CTNNA3: variants seen among roughly 807,000 people sequenced by gnomAD.
CTNNA3 encodes catenin alpha 3.
CTNNA3 carries 76 observed loss-of-function variants against 95.7 expected under a neutral mutation model. That is an observed-to-expected ratio of 0.79 (90% CI 0.66 to 0.96). CTNNA3 has a LOEUF of 0.96. Among genes scored for constraint, CTNNA3 ranks in the 40% least tolerant of loss-of-function variants. CTNNA3 has a pLI of 0.00. For missense variants in CTNNA3, 1,191 were observed against 1,089.8 expected, an observed-to-expected ratio of 1.09 and a Z score of -1.31; for synonymous variants, 431 against 374.4, an observed-to-expected ratio of 1.15 and a Z score of -1.74.
intron 16 of CTNNA3, among the ~76,000 whole-genome samples, chr10:65,967,599 A>T (rs550814756): frequency 6.6e-6 from 1 of 152,346 alleles, no homozygotes; most frequent in South Asian, 2.1e-4. Flanking sequence ...CTGTGAATAC[A>T]ACTGAAGCCA....
At chr10:66,460,544 C>A (rs2093522475) in intron 11 of CTNNA3, among the ~76,000 whole-genome samples, 2 of 152,196 alleles carry the variant, frequency 1.3e-5, no homozygotes, top group South Asian at 4.1e-4. Flanking sequence ...TGCCCTCCTA[C>A]CCCTCCTAAC....
At chr10:66,067,159 C>T (rs1463604015) in intron 15 of CTNNA3, among the ~76,000 whole-genome samples, 2 of 152,118 alleles carry the variant, frequency 1.3e-5, no homozygotes, top group Non-Finnish European at 2.9e-5. Context: ...AAGCCAGAAC[C>T]CCTTTTCCCC....
chr10:66,611,050 G>T (rs1312035476), intron 10 of CTNNA3, among the ~76,000 whole-genome samples: 1 of 152,060 alleles, frequency 6.6e-6, no homozygotes, highest in Non-Finnish European at 1.5e-5. Context: ...AATAAGCTAG[G>T]CACAGAAAGA....
chr10:67,521,869 C>A lies in CTNNA3; in HGVS notation c.552G>T (p.Leu184Phe). The A allele has an allele frequency of 1.2e-6, 2 of 1,612,798 alleles. No individual in the cohort carries two copies. The highest frequency in any genetic ancestry group is 1.7e-6 in the Non-Finnish European group (2 of 1,179,126). ...GCTGACGTTTGAAGGCTAAATAATC[C>A]AAATTTTCCAGCTCCTTCCCAAGCT... ...YQKLGKELEN[L>F]DYLAFKRQQD... Residue 184 changes from leucine (L) to phenylalanine (F), a missense_variant, in exon 5 of 18, where the codon TTG (leucine) becomes TTT (phenylalanine). Coordinates refer to ENST00000433211, the MANE Select transcript of CTNNA3 (RefSeq NM_013266.4).
chr10:66,226,025 T>A (rs2089269288), intron 13 of CTNNA3, among the ~76,000 whole-genome samples: 1 of 152,146 alleles, frequency 6.6e-6, no homozygotes, highest in African/African-American at 2.4e-5. Flanking sequence ...ACTTCTTCAT[T>A]CTTCACTCTG....
At position 66,619,747 on chromosome 10, in the gene CTNNA3, AAAG is replaced by A. The variant is rs534308518; in HGVS notation, c.1374+1942_1374+1944del. Among the ~76,000 whole-genome samples, 198 of 152,020 alleles carry A rather than the reference AAAG, an allele frequency of 1.3e-3. 2 individuals are homozygous for A. The highest frequency in any genetic ancestry group is 4.6e-3 in the African/African-American group (192 of 41,526). On this transcript the variant is annotated intron_variant, in intron 10 of 17. Transcript: ENST00000433211. ...AACATAAAAAGTAAAAAATAAAAAA[AAAG>A]AAGCTGTCCATATGGCCATATGTGA...
intron 6 of CTNNA3, among the ~76,000 whole-genome samples, chr10:67,191,401 A>G (rs1660026539): frequency 6.6e-6 from 1 of 152,058 alleles, no homozygotes; most frequent in Non-Finnish European, 1.5e-5. Context: ...CAAATCCAAT[A>G]AAGTTGCAGG....
At chr10:67,130,977 T>C (rs1164954569) in intron 7 of CTNNA3, among the ~76,000 whole-genome samples, 2 of 152,018 alleles carry the variant, frequency 1.3e-5, no homozygotes, top group African/African-American at 2.4e-5. Flanking sequence ...CAAAGATAAA[T>C]ATAGGGCATG....
intron 7 of CTNNA3, among the ~76,000 whole-genome samples, chr10:66,853,742 A>C: frequency 6.6e-6 from 1 of 152,086 alleles, no homozygotes; most frequent in Admixed American, 6.5e-5. Flanking sequence ...CGAACCACCA[A>C]GGACATCCCA....
At chr10:66,985,847 C>A (rs191203804) in intron 7 of CTNNA3, among the ~76,000 whole-genome samples, 5 of 152,190 alleles carry the variant, frequency 3.3e-5, no homozygotes, top group Non-Finnish European at 7.4e-5. Context: ...CATGCCTCAG[C>A]CTCCCAAGTA....
intron 12 of CTNNA3, among the ~76,000 whole-genome samples, chr10:66,329,733 T>C (rs1025296966): frequency 2.6e-5 from 4 of 152,142 alleles, no homozygotes; most frequent in African/African-American, 9.7e-5. Context: ...GAAATAGAGT[T>C]ATATCAAATA....
At chr10:66,235,368 G>A (rs993182129) in intron 13 of CTNNA3, among the ~76,000 whole-genome samples, 11 of 150,522 alleles carry the variant, frequency 7.3e-5, no homozygotes, top group African/African-American at 2.7e-4. Context: ...ATTATTAAAT[G>A]TATTTTATTA....
intron 5 of CTNNA3, among the ~76,000 whole-genome samples, chr10:67,423,519 T>G (rs980203825): frequency 1.1e-4 from 16 of 152,190 alleles, no homozygotes; most frequent in Non-Finnish European, 2.1e-4. Flanking sequence ...TACTTTGGGT[T>G]GTTTTCCGAA....
intron 5 of CTNNA3, among the ~76,000 whole-genome samples, chr10:67,407,837 G>A (rs1021916124): frequency 1.3e-4 from 20 of 151,598 alleles, no homozygotes; most frequent in African/African-American, 4.8e-4. Context: ...TGAGAATAAA[G>A]TACCTAGGAA....
At chr10:66,090,401 G>A (rs1351205254) in intron 14 of CTNNA3, among the ~76,000 whole-genome samples, 4 of 151,930 alleles carry the variant, frequency 2.6e-5, no homozygotes, top group Non-Finnish European at 5.9e-5. Context: ...AGTGGTGGTG[G>A]TGGTAATGAT....
Position 66,601,624 on chromosome 10 carries a change from C to A in CTNNA3, c.1374+20068G>T, listed in dbSNP as rs1042400573. ...ATCTGTAATGGGAGGACTGCTTAGACTGTTTTAAATTACCCTTGTCACATT... is the reference window on the plus strand; with the variant it reads ...ATCTGTAATGGGAGGACTGCTTAGAATGTTTTAAATTACCCTTGTCACATT... On this transcript the variant is annotated intron_variant, in intron 10 of 17. Transcript: ENST00000433211. Among the ~76,000 whole-genome samples the A allele has an allele frequency of 5.3e-5, 8 of 151,904 alleles. 1 individual carries two copies. The highest frequency in any genetic ancestry group is 1.9e-4 in the African/African-American group (8 of 41,420).
intron 5 of CTNNA3, among the ~76,000 whole-genome samples, chr10:67,399,298 T>C (rs1039440262): frequency 6.6e-5 from 10 of 152,218 alleles, no homozygotes; most frequent in Non-Finnish European, 2.9e-5. Flanking sequence ...GACAGACAAG[T>C]ACCACCTTTG....
intron 9 of CTNNA3, among the ~76,000 whole-genome samples, chr10:66,668,390 T>C (rs914472071): frequency 9.9e-5 from 15 of 151,788 alleles, no homozygotes; most frequent in Non-Finnish European, 2.1e-4. Context: ...CTTATCAGGA[T>C]GGGTTCCTAA....
chr10:66,524,389 G>A (rs1841177334), intron 10 of CTNNA3, among the ~76,000 whole-genome samples: 5 of 152,174 alleles, frequency 3.3e-5, no homozygotes, highest in South Asian at 2.1e-4. Context: ...TATTCTGCTC[G>A]CAGCCCACAC....
Sources: allele counts gnomAD v4.1 joint callset (sites outside exome capture counted in the v4.1 genomes callset), GRCh38; gene constraint gnomAD v4.1.1; transcripts MANE v1.5; gene names NCBI Gene and HGNC (gene_info 2026-07-23, HGNC 2026-07-21).